CCAR1: variants seen among roughly 807,000 people sequenced by gnomAD.
CCAR1 encodes cell division cycle and apoptosis regulator 1.
A neutral mutation model predicts 163.8 loss-of-function variants in CCAR1; 78 were observed. The observed-to-expected ratio is 0.48, with a 90% CI of 0.40 to 0.57. The LOEUF (loss-of-function observed/expected upper bound fraction) is 0.57. CCAR1 is among the 20% of genes least tolerant of loss of function. CCAR1 has a pLI of 0.00. For missense variants in CCAR1, 1,019 were observed against 1,365.2 expected, an observed-to-expected ratio of 0.75 and a Z score of 4.00; for synonymous variants, 443 against 460.7, an observed-to-expected ratio of 0.96 and a Z score of 0.49.
chr10:68,724,831 CA>C (rs773499285), intron 2 of CCAR1, among the ~76,000 whole-genome samples: 3 of 151,946 alleles, frequency 2.0e-5, no homozygotes, highest in Non-Finnish European at 2.9e-5. Context: ...AGTTACTAGA[CA>C]AAGGAAAAAG....
intron 15 of CCAR1, among the ~76,000 whole-genome samples, chr10:68,758,297 T>C (rs935766527): frequency 6.6e-6 from 1 of 151,970 alleles, no homozygotes; most frequent in Non-Finnish European, 1.5e-5. Context: ...TCAAGCGATC[T>C]ATCCACCCCC....
At chr10:68,780,084 A>G (rs1204003958) in intron 19 of CCAR1, among the ~76,000 whole-genome samples, 1 of 152,228 alleles carries the variant, frequency 6.6e-6, no homozygotes, top group Non-Finnish European at 1.5e-5. Context: ...GTTTCGGATG[A>G]GACAGTTTTG....
chr10:68,760,676 GACCA>G (rs2056457517), intron 15 of CCAR1: 1 of 161,334 alleles, frequency 6.2e-6, no homozygotes. Context: ...AGACCAGCCT[GACCA>G]ACATGGTGAA....
Position 68,789,726 on chromosome 10 carries a change from C to A in CCAR1, c.3204C>A (p.Thr1068=). Residue 1068 remains threonine, a synonymous_variant, in exon 24 of 25, where the codon ACC becomes ACA. Transcript: ENST00000265872. ...LEEKTDEDEK[T]ILNLENSNKS... ...TTTAAACAGATGAAGATGAAAAAAC[C>A]ATATTAAATTTGGAGAATTCCAACA... 6.4e-7 allele frequency: 1 copy of A among 1,566,188 alleles called. No homozygotes were observed. Among genetic ancestry groups the A allele is most frequent in the Non-Finnish European group, 8.6e-7 (1 of 1,161,104 alleles).
intron 19 of CCAR1, among the ~76,000 whole-genome samples, chr10:68,773,534 C>T (rs549044580): frequency 3.3e-5 from 5 of 152,114 alleles, no homozygotes; most frequent in Admixed American, 2.0e-4. Flanking sequence ...GGTAGTGGCG[C>T]GTGCCTATAA....
intron 19 of CCAR1, among the ~76,000 whole-genome samples, chr10:68,776,023 GT>G (rs2056663119): frequency 6.6e-6 from 1 of 151,520 alleles, no homozygotes; most frequent in Non-Finnish European, 1.5e-5. Context: ...TAGAGATGGG[GT>G]TTCACCATGT....
chr10:68,749,914 A>G (rs1052562607), intron 10 of CCAR1, among the ~76,000 whole-genome samples: 4 of 152,174 alleles, frequency 2.6e-5, no homozygotes, highest in African/African-American at 9.7e-5. Context: ...CCTCAAGGAA[A>G]TTCCTCTGTC....
intron 15 of CCAR1, among the ~76,000 whole-genome samples, chr10:68,760,169 A>T (rs77492819): frequency 6.6e-6 from 1 of 152,082 alleles, no homozygotes; most frequent in East Asian, 1.9e-4. Context: ...TTATTTACTT[A>T]ACTTTTAGAG....
intron 19 of CCAR1, among the ~76,000 whole-genome samples, chr10:68,782,899 A>G (rs1160007867): frequency 6.6e-6 from 1 of 152,148 alleles, no homozygotes; most frequent in East Asian, 1.9e-4. Flanking sequence ...CACCACACCT[A>G]GTCACCCAGA....
chr10:68,729,265 G>GT (rs1298088284), intron 2 of CCAR1, among the ~76,000 whole-genome samples: 3 of 149,744 alleles, frequency 2.0e-5, no homozygotes, highest in Admixed American at 1.3e-4. Context: ...GTTTTTTTGG[G>GT]TTTTTTTGGT....
rs1229291903 is a variant in CCAR1 at position 68,787,226 on chromosome 10, C to T, written c.2880+534C>T. Among the ~76,000 whole-genome samples, 3 of 151,744 alleles carry T rather than the reference C, an allele frequency of 2.0e-5. No individual in the cohort carries two copies. The East Asian group carries it at 5.8e-4, about 29-fold the overall frequency. ...AGCAGCTCAGTTCCATTTTTATAAA[C>T]AAAACGTGGAATTATTCTGTACGTT... is the stretch of plus-strand genomic sequence containing the variant. On this transcript the variant is annotated intron_variant, in intron 21 of 24. Coordinates refer to ENST00000265872, the MANE Select transcript of CCAR1 (RefSeq NM_018237.4).
intron 17 of CCAR1, among the ~76,000 whole-genome samples, chr10:68,767,600 A>G (rs1360649149): frequency 2.0e-5 from 3 of 151,734 alleles, no homozygotes; most frequent in Admixed American, 2.0e-4. Flanking sequence ...GCTGGAGTGC[A>G]GTGGCTCGAT....
intron 15 of CCAR1, among the ~76,000 whole-genome samples, chr10:68,758,848 T>C (rs1409779353): frequency 2.6e-5 from 4 of 151,698 alleles, no homozygotes; most frequent in Admixed American, 6.6e-5. Flanking sequence ...AATTTTTGTA[T>C]GTTTAGTAGA....
chr10:68,752,001 T>C (rs1415898453), intron 10 of CCAR1, among the ~76,000 whole-genome samples: 2 of 149,800 alleles, frequency 1.3e-5, no homozygotes, highest in African/African-American at 2.4e-5. Context: ...ACTGCAAGCT[T>C]TGCCTCCCGG....
rs907574205 is a variant in CCAR1, at chr10:68,729,792, G to A, written c.74-7084G>A. Among the ~76,000 whole-genome samples, 3 of 152,038 alleles carry A rather than the reference G, an allele frequency of 2.0e-5. No individual in the cohort carries two copies. In the East Asian group the frequency reaches 5.8e-4, roughly 29 times the overall value. On this transcript the variant is annotated intron_variant, in intron 2 of 24. Transcript: ENST00000265872. Reference sequence around the variant, plus strand: ...TTAAAAATTTCTTTTTTATAGTGGGGTCTTGCTATGTTGCCTAGGCTGGAT... The same window carrying A: ...TTAAAAATTTCTTTTTTATAGTGGGATCTTGCTATGTTGCCTAGGCTGGAT...
intron 19 of CCAR1, among the ~76,000 whole-genome samples, chr10:68,784,698 G>T (rs528658526): frequency 6.6e-6 from 1 of 151,934 alleles, no homozygotes; most frequent in South Asian, 2.1e-4. Flanking sequence ...GCAGGCATGC[G>T]CTACTTAGTC....
chr10:68,761,118 G>T lies in CCAR1; in HGVS notation c.2032G>T (p.Glu678Ter). 2 of 1,611,550 alleles carry T rather than the reference G, an allele frequency of 1.2e-6. No individual in the cohort carries two copies. The highest frequency in any genetic ancestry group is 1.7e-6 in the Non-Finnish European group (2 of 1,178,908). ...GCTTAAAGTAGAGGAACAAAAAGAA[G>T]AACAGAAGGAGTTAGAGAAATCTGA... is the stretch of plus-strand genomic sequence containing the variant. ...KQLKVEEQKE[E>*]QKELEKSEKE... Residue 678 changes from glutamate (E) to a stop codon, truncating the protein, a stop_gained, in exon 16 of 25, where the codon GAA becomes TAA. Transcript: ENST00000265872. LOFTEE classifies it high-confidence loss of function.
In CCAR1 at chr10:68,791,245, G is replaced by C. The variant is rs1401826085; in HGVS notation, c.3432G>C (p.Lys1144Asn). ...VKNEDKDQKSKENGASV is the reference protein window; with the variant it reads ...VKNEDKDQKSNENGASV Reference sequence around the variant, plus strand: ...ATGAAGACAAAGATCAAAAATCCAAGGAGAATGGTGCCAGTGTATGATAAA... The same window carrying C: ...ATGAAGACAAAGATCAAAAATCCAACGAGAATGGTGCCAGTGTATGATAAA... Residue 1144 changes from lysine to asparagine, a missense_variant, in exon 25 of 25, where the codon AAG becomes AAC. Around this residue, in one of 4 missense-constraint regions of CCAR1, gnomAD observed 358 missense variants for 406.4 expected, o/e 0.88. Transcript: ENST00000265872. 2.5e-6 allele frequency: 4 copies of C among 1,599,450 alleles called. No homozygotes were observed. Among genetic ancestry groups the C allele is most frequent in the Non-Finnish European group, 3.4e-6 (4 of 1,168,898 alleles).
intron 17 of CCAR1, 146 bp downstream of exon 17, chr10:68,766,225 C>T (rs2056533864): frequency 1.7e-6 from 1 of 601,172 alleles, no homozygotes; most frequent in Non-Finnish European, 2.8e-6. Flanking sequence ...TTTTTTGAGA[C>T]AGAGTTTCAC....
Sources: allele counts gnomAD v4.1 joint callset (sites outside exome capture counted in the v4.1 genomes callset), GRCh38; gene constraint gnomAD v4.1.1; regional missense constraint gnomAD v4.1.1; transcripts MANE v1.5; gene names NCBI Gene and HGNC (gene_info 2026-07-23, HGNC 2026-07-21).